DHRSX: variants seen among roughly 807,000 people sequenced by gnomAD.
DHRSX encodes dehydrogenase/reductase X-linked, also known as polyprenol dehydrogenase.
A neutral mutation model predicts 34.0 loss-of-function variants in DHRSX; 31 were observed. The observed-to-expected ratio is 0.91, with a 90% CI of 0.69 to 1.23. The LOEUF is 1.23. Ranked by LOEUF, DHRSX falls within the 50% of genes most tolerant of loss-of-function variation. The pLI, the probability that DHRSX is intolerant of heterozygous loss-of-function variation, is 0.00. For missense variants in DHRSX, 414 were observed against 428.1 expected, an observed-to-expected ratio of 0.97 and a Z score of 0.29; for synonymous variants, 201 against 183.8, an observed-to-expected ratio of 1.09 and a Z score of -0.76.
intron 1 of DHRSX, among the ~76,000 whole-genome samples, chrX:2,483,880 A>G (rs770047164): frequency 1.6e-4 from 24 of 151,886 alleles, no homozygotes; most frequent in Admixed American, 1.4e-3. Flanking sequence ...ACATTCGTAC[A>G]TTTTTTTTCT....
At chrX:2,372,298 C>G (rs1569494862) in intron 3 of DHRSX, among the ~76,000 whole-genome samples, 1 of 152,054 alleles carries the variant, frequency 6.6e-6, no homozygotes, top group East Asian at 1.9e-4. Flanking sequence ...TGATAAAACC[C>G]TTTTGTATTA....
chrX:2,292,437 T>C (rs1278112636), intron 3 of DHRSX, among the ~76,000 whole-genome samples: 2 of 152,222 alleles, frequency 1.3e-5, no homozygotes, highest in African/African-American at 4.8e-5. Flanking sequence ...CCCAGATTCC[T>C]GACCCGCAGC....
At chrX:2,416,355 T>C (rs181767592) in intron 2 of DHRSX, among the ~76,000 whole-genome samples, 180 of 152,320 alleles carry the variant, frequency 1.2e-3, no homozygotes, top group African/African-American at 4.1e-3. Context: ...GACCTCATCA[T>C]TATCTACCCT....
At chrX:2,276,683 C>T (rs1043218732) in intron 4 of DHRSX, among the ~76,000 whole-genome samples, 19 of 150,254 alleles carry the variant, frequency 1.3e-4, no homozygotes, top group Non-Finnish European at 2.2e-4. Context: ...TCTCCGCTCT[C>T]CAAGCGGAGA....
chrX:2,284,249 A>G (rs2041775623), intron 4 of DHRSX, among the ~76,000 whole-genome samples: 1 of 152,080 alleles, frequency 6.6e-6, no homozygotes, highest in Non-Finnish European at 1.5e-5. Flanking sequence ...CATTCATTAG[A>G]ATTCATTCAT....
chrX:2,368,581 A>C (rs998608271), intron 3 of DHRSX, among the ~76,000 whole-genome samples: 1 of 151,978 alleles, frequency 6.6e-6, no homozygotes, highest in African/African-American at 2.4e-5. Context: ...CAGGCGCGGA[A>C]GCTCACGCCT....
intron 3 of DHRSX, among the ~76,000 whole-genome samples, chrX:2,323,607 T>A (rs921676145): frequency 6.6e-6 from 1 of 151,910 alleles, no homozygotes; most frequent in African/African-American, 2.4e-5. Flanking sequence ...TACAAAATAT[T>A]TAAAATATAT....
At chrX:2,392,386 A>C (rs1239089798) in intron 3 of DHRSX, 1 of 251,592 alleles carries the variant, frequency 4.0e-6, no homozygotes, top group Non-Finnish European at 7.9e-6. Context: ...GCACGCCTGT[A>C]GTCCCAGCTC....
chrX:2,231,424 TTCC>T (rs1248437604), intron 6 of DHRSX, among the ~76,000 whole-genome samples: 1 of 151,822 alleles, frequency 6.6e-6, no homozygotes, highest in African/African-American at 2.4e-5. Flanking sequence ...TTGCTTCCTC[TTCC>T]TTTTTCTCTT....
intron 6 of DHRSX, among the ~76,000 whole-genome samples, chrX:2,231,863 C>T (rs1277903450): frequency 6.7e-6 from 1 of 149,462 alleles, no homozygotes; most frequent in East Asian, 2.0e-4. Context: ...TCTTCTTCCT[C>T]CTCCATCTTC....
intron 6 of DHRSX, among the ~76,000 whole-genome samples, chrX:2,237,989 C>T (rs1307087643): frequency 6.6e-6 from 1 of 152,142 alleles, no homozygotes; most frequent in Non-Finnish European, 1.5e-5. Context: ...TACTAAGCTA[C>T]TCTCCTACGG....
chrX:2,454,122 C>T (rs978393588), intron 1 of DHRSX, among the ~76,000 whole-genome samples: 3 of 152,116 alleles, frequency 2.0e-5, no homozygotes, highest in Non-Finnish European at 2.9e-5. Context: ...GTTTCGAGGA[C>T]AGCTGTGATA....
At chrX:2,304,243 AAATGGATG>A (rs2042070536) in intron 3 of DHRSX, among the ~76,000 whole-genome samples, 1 of 32,982 alleles carries the variant, frequency 3.0e-5, no homozygotes, top group Non-Finnish European at 5.9e-5. Context: ...ATGGATGGAT[AAATGGATG>A]GATGGATGGG....
intron 3 of DHRSX, among the ~76,000 whole-genome samples, chrX:2,314,416 A>G (rs1344727382): frequency 1.1e-5 from 1 of 91,552 alleles, no homozygotes; most frequent in African/African-American, 7.5e-5. Flanking sequence ...AAGGGAGGGA[A>G]GGAAGGAAGG....
intron 3 of DHRSX, among the ~76,000 whole-genome samples, chrX:2,347,551 G>A (rs755608017): frequency 1.2e-4 from 19 of 152,282 alleles, no homozygotes; most frequent in South Asian, 2.1e-4. Context: ...AAAATTAGCC[G>A]TGCATGGTGG....
At chrX:2,414,998 A>C (rs1186761456) in intron 2 of DHRSX, among the ~76,000 whole-genome samples, 1 of 151,894 alleles carries the variant, frequency 6.6e-6, no homozygotes, top group Non-Finnish European at 1.5e-5. Context: ...ATCACGACCT[A>C]CCCAACTAGA....
At chrX:2,238,253 AGGT>A (rs1199705381) in intron 6 of DHRSX, among the ~76,000 whole-genome samples, 2 of 152,018 alleles carry the variant, frequency 1.3e-5, no homozygotes, top group Non-Finnish European at 2.9e-5. Flanking sequence ...GCTACTCGGG[AGGT>A]GGAGGTGGGG....
chrX:2,460,582 CTT>C (rs71281906), intron 1 of DHRSX, among the ~76,000 whole-genome samples: 14 of 111,824 alleles, frequency 1.3e-4, no homozygotes, highest in Admixed American at 3.8e-4. Context: ...CCACGTCTGG[CTT>C]TTTTTTTTTT....
At chrX:2,423,396 A>G (rs1215081741) in intron 2 of DHRSX, among the ~76,000 whole-genome samples, 1 of 135,674 alleles carries the variant, frequency 7.4e-6, no homozygotes, top group Non-Finnish European at 1.5e-5. Flanking sequence ...TGGGTGACAG[A>G]GCAAGATTCT....
Sources: gnomAD v4.1 joint callset for allele counts (sites outside exome capture counted in the v4.1 genomes callset) on GRCh38, gnomAD v4.1.1 for gene constraint, MANE v1.5 for transcripts, NCBI Gene and HGNC (gene_info 2026-07-23, HGNC 2026-07-21) for gene names.